The following FUT8 variants were observed in gnomAD, a reference collection of about 807,000 sequenced individuals.
The protein encoded by FUT8 is fucosyltransferase 8, also known as alpha-(1,6)-fucosyltransferase.
Under a neutral mutation model 71.3 loss-of-function variants are expected in FUT8, and 29 were observed. The ratio of observed to expected loss-of-function variants is 0.41; its 90% CI spans 0.30 to 0.55. The LOEUF (loss-of-function observed/expected upper bound fraction) is 0.55. Among genes scored for constraint, FUT8 ranks in the 20% least tolerant of loss-of-function variants. The probability of loss-of-function intolerance (pLI) is 0.34; values close to 1 mark genes in which losing one functional copy is unlikely to be tolerated. For synonymous variants in FUT8, 254 were observed against 239.3 expected, an observed-to-expected ratio of 1.06 and a Z score of -0.57; for missense variants, 544 against 702.1, an observed-to-expected ratio of 0.77 and a Z score of 2.55.
At chr14:65,601,943 C>CT (rs1305815412) in intron 3 of FUT8, among the ~76,000 whole-genome samples, 10 of 151,576 alleles carry the variant, frequency 6.6e-5, no homozygotes, top group South Asian at 2.1e-4. Context: ...CAGATGTAAC[C>CT]TTTTTTTTAT....
intron 7 of FUT8, among the ~76,000 whole-genome samples, chr14:65,720,327 G>A (rs553817164): frequency 6.6e-6 from 1 of 151,054 alleles, no homozygotes; most frequent in Non-Finnish European, 1.5e-5. Context: ...AGCTTGTGGT[G>A]AATGTTGCCA....
chr14:65,464,261 T>TTG (rs1249086401), intron 2 of FUT8, among the ~76,000 whole-genome samples: 3 of 147,548 alleles, frequency 2.0e-5, no homozygotes, highest in Non-Finnish European at 4.5e-5. Flanking sequence ...TACTTTGGGT[T>TTG]TTTTTTTTTT....
intron 10 of FUT8, among the ~76,000 whole-genome samples, chr14:65,735,245 A>G (rs962386071): frequency 1.3e-5 from 2 of 151,818 alleles, no homozygotes; most frequent in Non-Finnish European, 2.9e-5. Flanking sequence ...TTGAAGTTGT[A>G]CTTTAGAATT....
chr14:65,566,347 A>G (rs1886193335), intron 3 of FUT8, among the ~76,000 whole-genome samples: 1 of 152,056 alleles, frequency 6.6e-6, no homozygotes, highest in Non-Finnish European at 1.5e-5. Flanking sequence ...CAAAAATGGA[A>G]GAAATAGATA....
intron 2 of FUT8, among the ~76,000 whole-genome samples, chr14:65,527,798 G>T (rs921609365): frequency 6.6e-6 from 1 of 152,216 alleles, no homozygotes; most frequent in African/African-American, 2.4e-5. Flanking sequence ...GTCTGTTGGA[G>T]TTTGCTGGAG....
rs940514373 is a variant in FUT8 at position 65,483,900 on chromosome 14, G to A, written c.-228+28182G>A. ...CAGCTACCACACCCAGCTAATTTTT[G>A]TATTTTTAATAGGGATGGGATTTCA... On this transcript the variant is annotated intron_variant, in intron 2 of 10. Coordinates refer to ENST00000673929, the MANE Select transcript of FUT8 (RefSeq NM_001371533.1). The surrounding 1 kb of genome is among the most constrained non-coding windows in gnomAD (Gnocchi z 4.4). Among the ~76,000 whole-genome samples the A allele has an allele frequency of 2.0e-5, 3 of 151,878 alleles. No individual in the cohort carries two copies. The highest frequency in any genetic ancestry group is 2.1e-4 in the South Asian group (1 of 4,826).
chr14:65,640,444 C>T (rs1418020535), intron 6 of FUT8, among the ~76,000 whole-genome samples: 4 of 151,984 alleles, frequency 2.6e-5, no homozygotes, highest in African/African-American at 2.4e-5. Context: ...ATTTTTGGAA[C>T]ATATTTTTAA....
rs2066361933 is a variant in FUT8, at chr14:65,483,458, T to A, written c.-228+27740T>A. ...TTTCTCTCCGGAATGGCTTTACATT[T>A]CCATATGAATTTAAGAAACAGTATG... On this transcript the variant is annotated intron_variant, in intron 2 of 10. Coordinates refer to ENST00000673929, the MANE Select transcript of FUT8 (RefSeq NM_001371533.1). The surrounding 1 kb of genome is among the most constrained non-coding windows in gnomAD (Gnocchi z 4.4). Among the ~76,000 whole-genome samples, 1 of 152,238 alleles carries A rather than the reference T, an allele frequency of 6.6e-6. No homozygotes were observed. Among genetic ancestry groups the A allele is most frequent in the Admixed American group, 6.5e-5 (1 of 15,274 alleles).
At chr14:65,655,524 A>C (rs1288482760) in intron 6 of FUT8, among the ~76,000 whole-genome samples, 2 of 152,056 alleles carry the variant, frequency 1.3e-5, no homozygotes, top group Admixed American at 1.3e-4. Context: ...CTCAGACAGA[A>C]TAGACTTCAG....
At chr14:65,561,846 A>C in intron 3 of FUT8, 80 bp downstream of exon 3, 1 of 1,131,480 alleles carries the variant, frequency 8.8e-7, no homozygotes, top group Non-Finnish European at 1.3e-6. Flanking sequence ...CCGCTAGGAA[A>C]AATAGTTAAT....
chr14:65,372,895 A>G, the FUT8 span, among the ~76,000 whole-genome samples: 1 of 152,122 alleles, frequency 6.6e-6, no homozygotes, highest in African/African-American at 2.4e-5. Context: ...CTTTCCTCAC[A>G]TACCTGGTGT....
At chr14:65,419,342 T>A (rs1261395575) in intron 1 of FUT8, among the ~76,000 whole-genome samples, 2 of 152,190 alleles carry the variant, frequency 1.3e-5, no homozygotes, top group East Asian at 1.9e-4. Context: ...AAAAAAACTA[T>A]GTTCATTGAA....
At chr14:65,665,824 A>G (rs993264395) in intron 6 of FUT8, among the ~76,000 whole-genome samples, 1 of 152,184 alleles carries the variant, frequency 6.6e-6, no homozygotes, top group Non-Finnish European at 1.5e-5. Context: ...TAGCAAACTA[A>G]TGCAGAAACA....
intron 6 of FUT8, among the ~76,000 whole-genome samples, chr14:65,645,254 A>T (rs964472521): frequency 6.6e-6 from 1 of 152,230 alleles, no homozygotes; most frequent in African/African-American, 2.4e-5. Flanking sequence ...CTAACAAGTT[A>T]CAATTGTATA....
At chr14:65,723,201 T>TGTA (rs2094568744) in intron 8 of FUT8, among the ~76,000 whole-genome samples, 1 of 149,864 alleles carries the variant, frequency 6.7e-6, no homozygotes, top group Non-Finnish European at 1.5e-5. Context: ...GACACATGCC[T>TGTA]GTAGTACCAG....
Position 65,629,596 on chromosome 14 carries a change from CAT to C in FUT8, c.590_591del (p.Tyr197SerfsTer16). 6.2e-7 allele frequency: 1 copy of C among 1,609,436 alleles called. No homozygotes were observed. On this transcript the variant is annotated frameshift_variant, in exon 6 of 11. Transcript: ENST00000673929. LOFTEE classifies it high-confidence loss of function. ...ACAGAACTGGTTCAGCGGAGAATAA[CAT>C]ATCTTCAGGTAAGAAGGTTGGGTTA...
rs533379763 is a variant in FUT8, at chr14:65,660,129, C to A, written c.598-9114C>A. Among the ~76,000 whole-genome samples, 4 of 152,050 alleles carry A rather than the reference C, an allele frequency of 2.6e-5. No individual in the cohort carries two copies. The highest frequency in any genetic ancestry group is 5.9e-5 in the Non-Finnish European group (4 of 67,978). On this transcript the variant is annotated intron_variant, in intron 6 of 10. Transcript: ENST00000673929. The surrounding 1 kb of genome is among the most constrained non-coding windows in gnomAD (Gnocchi z 4.1). Reference sequence around the variant, plus strand: ...TATGCATCATTAATTATCTGCCTTTCCTTTGTGGCCCTTCTGATGGCAGAA... The same window carrying A: ...TATGCATCATTAATTATCTGCCTTTACTTTGTGGCCCTTCTGATGGCAGAA...
chr14:65,704,088 T>A (rs181499229), intron 7 of FUT8, among the ~76,000 whole-genome samples: 8 of 152,308 alleles, frequency 5.3e-5, no homozygotes, highest in Admixed American at 2.0e-4. Context: ...TTTAACATAA[T>A]TGGATGATAA....
chr14:65,692,836 G>A (rs552247104), intron 7 of FUT8, among the ~76,000 whole-genome samples: 8 of 150,752 alleles, frequency 5.3e-5, no homozygotes, highest in Non-Finnish European at 1.0e-4. Flanking sequence ...ACGGGGTCAC[G>A]GCCGGGCAGA....
Sources: gnomAD v4.1 joint callset for allele counts (sites outside exome capture counted in the v4.1 genomes callset) on GRCh38, gnomAD v4.1.1 for gene constraint, Gnocchi (gnomAD v3.1) non-coding constraint, MANE v1.5 for transcripts, NCBI Gene and HGNC (gene_info 2026-07-23, HGNC 2026-07-21) for gene names.